Variants in HEMK2 observed in about 807,000 individuals in gnomAD.
The protein encoded by HEMK2 is methyltransferase HEMK2.
the HEMK2 span, among the ~76,000 whole-genome samples, chr21:28,637,647 G>A: frequency 6.6e-6 from 1 of 152,148 alleles, no homozygotes; most frequent in Non-Finnish European, 1.5e-5. Context: ...CAGCCTTCTT[G>A]CTAGGTGGGT....
At chr21:28,654,357 A>G in the HEMK2 span, among the ~76,000 whole-genome samples, 7 of 152,268 alleles carry the variant, frequency 4.6e-5, no homozygotes, top group East Asian at 7.7e-4. Context: ...AACAGCTTTC[A>G]TGGTTATCTC....
the HEMK2 span, among the ~76,000 whole-genome samples, chr21:28,706,249 T>C: frequency 6.6e-6 from 1 of 152,238 alleles, no homozygotes; most frequent in Admixed American, 6.5e-5. Context: ...TGTTAGTGTA[T>C]ATCTTTGAGC....
At chr21:28,586,701 A>G in the HEMK2 span, among the ~76,000 whole-genome samples, 2 of 152,234 alleles carry the variant, frequency 1.3e-5, no homozygotes, top group African/African-American at 4.8e-5. Flanking sequence ...TGAGTAGAGT[A>G]TAAATAACAG....
At chr21:28,783,766 G>A in the HEMK2 span, among the ~76,000 whole-genome samples, 305 of 152,280 alleles carry the variant, frequency 2.0e-3, 4 homozygotes, top group African/African-American at 7.1e-3. Context: ...GGAGCAGCGC[G>A]GGCAGAAATT....
the HEMK2 span, among the ~76,000 whole-genome samples, chr21:28,831,523 G>GA: frequency 3.9e-3 from 200 of 51,648 alleles, 3 homozygotes; most frequent in Middle Eastern, 8.9e-3. Context: ...AAGAAAGAAA[G>GA]AAGGAAAGAA....
the HEMK2 span, among the ~76,000 whole-genome samples, chr21:28,797,614 C>CA: frequency 0.12 from 18,322 of 146,614 alleles, 1,475 homozygotes; most frequent in Non-Finnish European, 0.19. Flanking sequence ...GACTCTGTCT[C>CA]AAAAAAAAAG....
chr21:28,634,433 G>A, the HEMK2 span, among the ~76,000 whole-genome samples: 3 of 152,162 alleles, frequency 2.0e-5, no homozygotes, highest in African/African-American at 7.2e-5. Context: ...AGGAAAGGGC[G>A]AGTCAGGATA....
the HEMK2 span, among the ~76,000 whole-genome samples, chr21:28,699,143 G>A: frequency 1.3e-5 from 2 of 152,092 alleles, no homozygotes; most frequent in East Asian, 1.9e-4. Flanking sequence ...TGAACCACCA[G>A]AGAAAATCTA....
At chr21:28,644,753 T>C in the HEMK2 span, among the ~76,000 whole-genome samples, 1 of 152,242 alleles carries the variant, frequency 6.6e-6, no homozygotes, top group South Asian at 2.1e-4. Flanking sequence ...AATAACTATT[T>C]CATAATAAAT....
the HEMK2 span, among the ~76,000 whole-genome samples, chr21:28,610,719 T>C: frequency 6.6e-6 from 1 of 152,162 alleles, no homozygotes; most frequent in Admixed American, 6.5e-5. Context: ...GCCATGCAAA[T>C]GGACACCAAA....
the HEMK2 span, among the ~76,000 whole-genome samples, chr21:28,633,188 T>C: frequency 6.6e-6 from 1 of 152,162 alleles, no homozygotes; most frequent in Admixed American, 6.6e-5. Context: ...ACCTGTGTAC[T>C]GAAAGGGCAA....
At chr21:28,689,326 C>T in the HEMK2 span, among the ~76,000 whole-genome samples, 1 of 152,106 alleles carries the variant, frequency 6.6e-6, no homozygotes, top group Non-Finnish European at 1.5e-5. Flanking sequence ...GTAACAAAAG[C>T]AGCCAGTTCA....
chr21:28,695,086 C>T, the HEMK2 span, among the ~76,000 whole-genome samples: 85,314 of 151,894 alleles, frequency 0.56, 26,842 homozygotes, highest in East Asian at 0.84. Flanking sequence ...GGCCAATATG[C>T]GATCTTTTAT....
At chr21:28,701,918 T>C in the HEMK2 span, among the ~76,000 whole-genome samples, 1 of 151,946 alleles carries the variant, frequency 6.6e-6, no homozygotes, top group African/African-American at 2.4e-5. Context: ...ATCACATTTC[T>C]CAATTTCAGA....
the HEMK2 span, among the ~76,000 whole-genome samples, chr21:28,793,189 T>C: frequency 6.6e-6 from 1 of 152,220 alleles, no homozygotes; most frequent in African/African-American, 2.4e-5. Flanking sequence ...GAAGTGATGG[T>C]CTTTGAGCCA....
At chr21:28,584,638 G>T in the HEMK2 span, among the ~76,000 whole-genome samples, 1 of 152,094 alleles carries the variant, frequency 6.6e-6, no homozygotes, top group South Asian at 2.1e-4. Flanking sequence ...ACACTCTCAG[G>T]ATGTCAAAAG....
At chr21:28,873,227 T>C in the HEMK2 span, 6 of 152,310 alleles carry the variant, frequency 3.9e-5, no homozygotes, top group East Asian at 9.6e-4. Context: ...AATACTATGA[T>C]GTAAAATTAA....
At chr21:28,881,176 T>G in the HEMK2 span, among the ~76,000 whole-genome samples, 1 of 152,190 alleles carries the variant, frequency 6.6e-6, no homozygotes, top group Non-Finnish European at 1.5e-5. Context: ...ATTTGTTGTT[T>G]TTACCTACTG....
the HEMK2 span, chr21:28,873,358 C>T: frequency 1.3e-5 from 2 of 152,168 alleles, no homozygotes; most frequent in African/African-American, 2.4e-5. Flanking sequence ...TACACACACA[C>T]AAAATGTAGT....
Sources: gnomAD v4.1 joint callset for allele counts (sites outside exome capture counted in the v4.1 genomes callset) on GRCh38, gnomAD v4.1.1 for gene constraint, MANE v1.5 for transcripts, NCBI Gene and HGNC (gene_info 2026-07-23, HGNC 2026-07-21) for gene names.